Variants in APP observed in about 807,000 individuals in gnomAD.
APP encodes the protein amyloid-beta precursor protein.
In APP, 31 loss-of-function variants were observed where a neutral mutation model predicts 101.4. The observed-to-expected ratio is 0.31, with a 90% CI of 0.23 to 0.41. The LOEUF is 0.41. Among genes scored for constraint, APP ranks in the 10% least tolerant of loss-of-function variants. The probability of loss-of-function intolerance (pLI) is 1.00; values close to 1 mark genes in which losing one functional copy is unlikely to be tolerated. For synonymous variants in APP, 366 were observed against 364.4 expected (o/e 1.00, Z -0.05); for missense variants, 839 against 1,003.7 (o/e 0.84, Z 2.22).
At chr21:26,108,680 G>A (rs1262662158) in intron 2 of APP, among the ~76,000 whole-genome samples, 1 of 152,192 alleles carries the variant, frequency 6.6e-6, no homozygotes, top group Non-Finnish European at 1.5e-5. Flanking sequence ...AAGGTCAGGA[G>A]TTCGAGACCA....
intron 8 of APP, among the ~76,000 whole-genome samples, chr21:25,996,673 T>C (rs943984640): frequency 1.2e-4 from 18 of 152,226 alleles, no homozygotes; most frequent in African/African-American, 4.3e-4. Context: ...TTCCACTGAC[T>C]GACTTAGGCA....
chr21:26,028,812 T>C (rs949324355), intron 5 of APP, among the ~76,000 whole-genome samples: 5 of 152,076 alleles, frequency 3.3e-5, no homozygotes, highest in African/African-American at 1.2e-4. Context: ...TATCTATTAG[T>C]TGGGGAGGTG....
In APP at chr21:25,891,066, C is replaced by T. The variant is rs534383803; in HGVS notation, c.2211+656G>A. 3.9e-5 allele frequency among the ~76,000 whole-genome samples: 6 copies of T among 152,256 alleles called. No homozygotes were observed. The South Asian group carries it at 6.2e-4, about 16-fold the overall frequency. On this transcript the variant is annotated intron_variant, in intron 17 of 17. Transcript: ENST00000346798. ...TGGCATTTCAAATGCATAAAAATAA[C>T]TTATTCGTAAATTTTCTTTCTCTCT...
At chr21:25,903,929 A>G (rs2038648766) in intron 15 of APP, among the ~76,000 whole-genome samples, 1 of 152,182 alleles carries the variant, frequency 6.6e-6, no homozygotes, top group Non-Finnish European at 1.5e-5. Context: ...AGTCTTCATC[A>G]GTGACCGTGC....
chr21:25,881,044 A>C lies in APP; in HGVS notation c.*626T>G. On this transcript the variant is annotated 3_prime_UTR_variant, in exon 18 of 18. Coordinates refer to ENST00000346798, the MANE Select transcript of APP (RefSeq NM_000484.4). ...AGAAAAGCTTGAAGTCTCAATGCCT[A>C]ATGTGTGCACATAAAACAGGCACGA... 1 of 153,214 alleles carries C rather than the reference A, an allele frequency of 6.5e-6. No homozygotes were observed. The highest frequency in any genetic ancestry group is 1.9e-4 in the East Asian group (1 of 5,182). 9.5% of individuals were successfully genotyped at this position (153,214 alleles called of 1,614,324 possible).
chr21:25,969,968 G>GGGAA (rs1345672660), intron 11 of APP, among the ~76,000 whole-genome samples: 16 of 62,640 alleles, frequency 2.6e-4, no homozygotes, highest in South Asian at 2.4e-3. Context: ...GAGGGAGGGA[G>GGGAA]GGAAGGAAGG....
At chr21:25,938,561 C>A (rs2040446473) in intron 13 of APP, among the ~76,000 whole-genome samples, 1 of 152,060 alleles carries the variant, frequency 6.6e-6, no homozygotes, top group African/African-American at 2.4e-5. Flanking sequence ...TAAAGGATCA[C>A]CTGGGGGAAT....
intron 1 of APP, among the ~76,000 whole-genome samples, chr21:26,121,391 C>T (rs1173387848): frequency 2.7e-5 from 4 of 150,728 alleles, no homozygotes; most frequent in African/African-American, 9.8e-5. Flanking sequence ...CACAGATCCT[C>T]ATCTTTTTTT....
intron 8 of APP, chr21:25,997,137 C>T (rs1443019891): frequency 1.7e-6 from 1 of 578,276 alleles, no homozygotes; most frequent in Non-Finnish European, 3.1e-6. Context: ...GGAAATTGGT[C>T]AGAAATAGAA....
intron 3 of APP, among the ~76,000 whole-genome samples, chr21:26,080,712 G>A (rs1444786275): frequency 9.3e-5 from 14 of 151,100 alleles, no homozygotes; most frequent in Admixed American, 9.2e-4. Context: ...AGAGGTTGCA[G>A]TGAGCCAAGA....
At chr21:25,926,008 T>C (rs1181252752) in intron 13 of APP, among the ~76,000 whole-genome samples, 2 of 152,080 alleles carry the variant, frequency 1.3e-5, no homozygotes, top group Non-Finnish European at 2.9e-5. Context: ...AAGCAAGGCA[T>C]GAGATGAGTG....
intron 1 of APP, among the ~76,000 whole-genome samples, chr21:26,131,494 T>C (rs1195099674): frequency 2.0e-5 from 3 of 152,318 alleles, no homozygotes; most frequent in Non-Finnish European, 2.9e-5. Flanking sequence ...AAAACAAAGA[T>C]TATTAAACTC....
chr21:25,903,421 TTGAC>T (rs2038619807), intron 15 of APP, among the ~76,000 whole-genome samples: 1 of 151,512 alleles, frequency 6.6e-6, no homozygotes, highest in Non-Finnish European at 1.5e-5. Flanking sequence ...GAAAAAAACA[TTGAC>T]TGGTAGTGTC....
At chr21:26,012,520 A>G (rs1201514758) in intron 6 of APP, among the ~76,000 whole-genome samples, 2 of 152,182 alleles carry the variant, frequency 1.3e-5, no homozygotes, top group African/African-American at 2.4e-5. Context: ...GGAGGGCAAA[A>G]TGGTTAAAGG....
intron 5 of APP, among the ~76,000 whole-genome samples, chr21:26,040,986 G>C (rs578059672): frequency 6.6e-6 from 1 of 152,200 alleles, no homozygotes; most frequent in South Asian, 2.1e-4. Context: ...TAAACAGGGA[G>C]GGCAAAAAAG....
chr21:26,161,178 G>A (rs894392032), intron 1 of APP, among the ~76,000 whole-genome samples: 3 of 152,174 alleles, frequency 2.0e-5, no homozygotes, highest in African/African-American at 7.2e-5. Context: ...AGAAAAGTGT[G>A]TGATCACAAT....
chr21:25,937,750 T>C (rs999951071), intron 13 of APP: 2 of 152,126 alleles, frequency 1.3e-5, no homozygotes, highest in Non-Finnish European at 2.9e-5. Context: ...CTCAAGCCCA[T>C]CTTATGCTTA....
At chr21:26,014,675 A>G (rs1300508791) in intron 6 of APP, among the ~76,000 whole-genome samples, 2 of 152,214 alleles carry the variant, frequency 1.3e-5, no homozygotes, top group Non-Finnish European at 2.9e-5. Context: ...CCCAGCAACC[A>G]ATGCCATGTC....
chr21:26,043,978 T>C (rs1362046828), intron 5 of APP, among the ~76,000 whole-genome samples: 1 of 152,194 alleles, frequency 6.6e-6, no homozygotes, highest in African/African-American at 2.4e-5. Context: ...AAAATATTTA[T>C]CATCCGAAGA....
Sources: allele counts gnomAD v4.1 joint callset (sites outside exome capture counted in the v4.1 genomes callset), GRCh38; gene constraint gnomAD v4.1.1; transcripts MANE v1.5; gene names NCBI Gene and HGNC (gene_info 2026-07-23, HGNC 2026-07-21).